Variants in TMEM156 observed in about 807,000 individuals in gnomAD.
TMEM156 encodes transmembrane protein 156.
In TMEM156, 28 loss-of-function variants were observed where a neutral mutation model predicts 30.5. The observed-to-expected ratio is 0.92, with a 90% CI of 0.68 to 1.26. TMEM156 has a LOEUF of 1.26. Ranked by LOEUF, TMEM156 falls within the 50% of genes most tolerant of loss-of-function variation. TMEM156 has a pLI of 0.00. For synonymous variants in TMEM156, 137 were observed against 119.9 expected (o/e 1.14, Z -0.93); for missense variants, 351 against 340.6 (o/e 1.03, Z -0.24).
chr4:38,989,821 C>T (rs556783439), intron 3 of TMEM156, among the ~76,000 whole-genome samples: 1 of 151,508 alleles, frequency 6.6e-6, no homozygotes, highest in South Asian at 2.1e-4. Context: ...TTATTTGAGA[C>T]AGAGTTTCAC....
intron 1 of TMEM156, among the ~76,000 whole-genome samples, chr4:39,018,887 G>C (rs1299819684): frequency 6.6e-6 from 1 of 152,014 alleles, no homozygotes; most frequent in Non-Finnish European, 1.5e-5. Flanking sequence ...TGGGTGTGGT[G>C]GTGGGCTCCT....
At chr4:39,017,171 C>CTTT (rs1159565890) in intron 1 of TMEM156, among the ~76,000 whole-genome samples, 46,500 of 90,988 alleles carry the variant, frequency 0.51, 12,412 homozygotes, top group African/African-American at 0.6. Flanking sequence ...TGTATTTCTT[C>CTTT]TTTTTTTTTT....
At chr4:38,995,493 G>T (rs1020411534) in intron 2 of TMEM156, among the ~76,000 whole-genome samples, 1 of 152,282 alleles carries the variant, frequency 6.6e-6, no homozygotes, top group Non-Finnish European at 1.5e-5. Context: ...AAGGCGGGTG[G>T]ATCACGAGGT....
chr4:38,968,128 A>G (rs1722430176), intron 6 of TMEM156, among the ~76,000 whole-genome samples: 1 of 152,210 alleles, frequency 6.6e-6, no homozygotes, highest in African/African-American at 2.4e-5. Context: ...GCTCAGTGAT[A>G]ACAAACTTCT....
intron 3 of TMEM156, among the ~76,000 whole-genome samples, chr4:38,990,210 G>A (rs1712322556): frequency 6.6e-6 from 1 of 152,322 alleles, no homozygotes; most frequent in Non-Finnish European, 1.5e-5. Flanking sequence ...GGTATGAACT[G>A]CCTTTGTGGG....
At chr4:38,986,867 T>C (rs1325514490) in intron 4 of TMEM156, among the ~76,000 whole-genome samples, 1 of 119,558 alleles carries the variant, frequency 8.4e-6, no homozygotes, top group African/African-American at 3.0e-5. Context: ...GCGACAGCTC[T>C]TATACACAGA....
At chr4:38,986,893 CTTA>C (rs995967756) in intron 4 of TMEM156, among the ~76,000 whole-genome samples, 2 of 123,596 alleles carry the variant, frequency 1.6e-5, no homozygotes, top group African/African-American at 3.0e-5. Context: ...ATATTTTTAT[CTTA>C]TTATATACAT....
At chr4:39,029,900 C>T (rs536889127) in intron 1 of TMEM156, among the ~76,000 whole-genome samples, 1 of 151,986 alleles carries the variant, frequency 6.6e-6, no homozygotes, top group South Asian at 2.1e-4. Flanking sequence ...TATTATTACA[C>T]AATTGCATGT....
chr4:39,009,316 A>G (rs948127664), intron 1 of TMEM156, among the ~76,000 whole-genome samples: 4 of 152,162 alleles, frequency 2.6e-5, no homozygotes, highest in African/African-American at 7.2e-5. Flanking sequence ...TCTACCAGAC[A>G]TAAAAGAAAG....
At chr4:38,988,079 T>C (rs1712130976) in intron 4 of TMEM156, among the ~76,000 whole-genome samples, 1 of 152,150 alleles carries the variant, frequency 6.6e-6, no homozygotes, top group South Asian at 2.1e-4. Context: ...ATTAAATATT[T>C]TTAACGTTGC....
At chr4:39,015,228 T>G (rs1466265191) in intron 1 of TMEM156, among the ~76,000 whole-genome samples, 1 of 152,204 alleles carries the variant, frequency 6.6e-6, no homozygotes, top group Non-Finnish European at 1.5e-5. Context: ...AGTGTCCCTA[T>G]CTTAATTCCT....
chr4:39,016,892 A>G (rs1560382700), intron 1 of TMEM156, among the ~76,000 whole-genome samples: 2 of 152,188 alleles, frequency 1.3e-5, no homozygotes, highest in Non-Finnish European at 2.9e-5. Context: ...TAAGTTCCAC[A>G]TGGCTGGGGA....
At chr4:38,985,945 A>G (rs1219724479) in intron 5 of TMEM156, among the ~76,000 whole-genome samples, 1 of 152,198 alleles carries the variant, frequency 6.6e-6, no homozygotes, top group African/African-American at 2.4e-5. Context: ...CTCTTTACAC[A>G]ATGACACCCT....
At position 39,017,171 on chromosome 4, in the gene TMEM156, C is replaced by CTT. The variant is rs1159565890; in HGVS notation, c.88+15053_88+15054dup. On this transcript the variant is annotated intron_variant, in intron 1 of 6. Transcript: ENST00000381938. ...AAACCATATCAAGTATGTATTTCTT[C>CTT]TTTTTTTTTTTTTTTTTTTTTGAGA... is the stretch of plus-strand genomic sequence containing the variant. Among the ~76,000 whole-genome samples the CTT allele has an allele frequency of 1.0e-2, 911 of 91,274 alleles. 67 individuals carry two copies. The highest frequency in any genetic ancestry group is 0.012 in the Non-Finnish European group (592 of 50,424). The allele number at this position is 91,274 out of a possible 152,430, so 59.9% of individuals were successfully genotyped here.
intron 5 of TMEM156, among the ~76,000 whole-genome samples, chr4:38,982,369 A>T (rs377181925): frequency 1.1e-4 from 16 of 152,182 alleles, no homozygotes; most frequent in African/African-American, 3.9e-4. Flanking sequence ...TTACTTTTGC[A>T]TAGTTTTCAA....
In TMEM156 at chr4:39,019,049, AC is replaced by A. The variant is rs1263056998; in HGVS notation, c.88+13176del. 8.5e-3 allele frequency among the ~76,000 whole-genome samples: 1,253 copies of A among 148,080 alleles called. 22 individuals are homozygous for A. The highest frequency in any genetic ancestry group is 0.03 in the African/African-American group (1,175 of 39,084). On this transcript the variant is annotated intron_variant, in intron 1 of 6. Transcript: ENST00000381938. ...AAAACAAAACAAAAAAAAAAAAAAAACCTCTTCAGTTTTCATGCTCTGCAGA... is the reference window on the plus strand; with the variant it reads ...AAAACAAAACAAAAAAAAAAAAAAAACTCTTCAGTTTTCATGCTCTGCAGA...
chr4:39,019,167 G>T (rs1714702876), intron 1 of TMEM156, among the ~76,000 whole-genome samples: 3 of 151,574 alleles, frequency 2.0e-5, no homozygotes, highest in Non-Finnish European at 4.4e-5. Context: ...CTTAGCCATT[G>T]TCTCTTCAAA....
chr4:39,032,004 A>G (rs574213120), intron 1 of TMEM156, among the ~76,000 whole-genome samples: 83 of 152,208 alleles, frequency 5.5e-4, no homozygotes, highest in African/African-American at 1.9e-3. Context: ...GATTTTAAAT[A>G]TTTTCATTTT....
intron 2 of TMEM156, among the ~76,000 whole-genome samples, chr4:38,997,982 T>G (rs1022804358): frequency 6.6e-6 from 1 of 152,232 alleles, no homozygotes; most frequent in Non-Finnish European, 1.5e-5. Context: ...CAATGATTCC[T>G]TAGAGAATCA....
Sources: allele counts gnomAD v4.1 joint callset (sites outside exome capture counted in the v4.1 genomes callset), GRCh38; gene constraint gnomAD v4.1.1; transcripts MANE v1.5; gene names NCBI Gene and HGNC (gene_info 2026-07-23, HGNC 2026-07-21).